GRM7: variants seen among roughly 807,000 people sequenced by gnomAD.
GRM7 encodes glutamate metabotropic receptor 7, also known as metabotropic glutamate receptor 7.
In GRM7, 35 loss-of-function variants were observed where a neutral mutation model predicts 84.5. The observed-to-expected ratio is 0.41, with a 90% CI of 0.32 to 0.55. The LOEUF is 0.55. GRM7 is among the 20% of genes least tolerant of loss of function. The probability of loss-of-function intolerance (pLI) is 0.19; values close to 1 mark genes in which losing one functional copy is unlikely to be tolerated. For synonymous variants in GRM7, 487 were observed against 455.1 expected (o/e 1.07, Z -0.89); for missense variants, 1,003 against 1,194.6 (o/e 0.84, Z 2.36).
chr3:6,950,009 C>A (rs533079640), intron 1 of GRM7, among the ~76,000 whole-genome samples: 4 of 152,158 alleles, frequency 2.6e-5, no homozygotes, highest in Non-Finnish European at 4.4e-5. Flanking sequence ...GAACTTCCTT[C>A]TTTAGCTCGG....
intron 3 of GRM7, among the ~76,000 whole-genome samples, chr3:7,302,395 ATTC>A (rs1700033167): frequency 6.6e-6 from 1 of 152,136 alleles, no homozygotes; most frequent in African/African-American, 2.4e-5. Flanking sequence ...CTTTAATTAT[ATTC>A]TTATAACCTC....
chr3:7,044,677 CT>C (rs1427805644), intron 1 of GRM7, among the ~76,000 whole-genome samples: 1 of 152,044 alleles, frequency 6.6e-6, no homozygotes, highest in African/African-American at 2.4e-5. Context: ...TTTTCTACGG[CT>C]TTTTTTCTCC....
intron 9 of GRM7, among the ~76,000 whole-genome samples, chr3:7,707,156 T>G (rs1504047): frequency 0.43 from 65,484 of 151,950 alleles, 14,275 homozygotes; most frequent in East Asian, 0.68. Context: ...GTTTTGCACC[T>G]CTTAGATAGA....
chr3:7,689,791 T>G (rs576570782), intron 9 of GRM7, among the ~76,000 whole-genome samples: 8 of 152,306 alleles, frequency 5.3e-5, no homozygotes, highest in Middle Eastern at 6.8e-3. Flanking sequence ...CTGAGTATCC[T>G]TAAATTGGGT....
At chr3:7,437,531 C>A (rs533054555) in intron 5 of GRM7, among the ~76,000 whole-genome samples, 13 of 152,178 alleles carry the variant, frequency 8.5e-5, no homozygotes, top group Middle Eastern at 3.4e-3. Flanking sequence ...CAGTCCTAGA[C>A]CCTAAATTAA....
intron 2 of GRM7, among the ~76,000 whole-genome samples, chr3:7,147,831 A>C (rs1694158334): frequency 6.6e-6 from 1 of 152,172 alleles, no homozygotes; most frequent in African/African-American, 2.4e-5. Context: ...AATCATTGTC[A>C]AGTCTCGCTC....
At chr3:6,972,775 G>A (rs566392993) in intron 1 of GRM7, among the ~76,000 whole-genome samples, 4 of 152,242 alleles carry the variant, frequency 2.6e-5, no homozygotes, top group Non-Finnish European at 5.9e-5. Context: ...CCACTACCTC[G>A]CTCAGTTATG....
chr3:7,307,515 A>G (rs557514698), intron 4 of GRM7, among the ~76,000 whole-genome samples: 2 of 152,080 alleles, frequency 1.3e-5, no homozygotes, highest in African/African-American at 4.8e-5. Flanking sequence ...TCTCCACTCA[A>G]ATCTAATTAA....
chr3:7,165,788 A>G (rs1369069490), intron 2 of GRM7, among the ~76,000 whole-genome samples: 1 of 152,174 alleles, frequency 6.6e-6, no homozygotes, highest in African/African-American at 2.4e-5. Flanking sequence ...CATGTTTATA[A>G]TTTCAGTTGT....
At chr3:7,479,590 T>G (rs1699050704) in intron 7 of GRM7, among the ~76,000 whole-genome samples, 1 of 152,172 alleles carries the variant, frequency 6.6e-6, no homozygotes, top group African/African-American at 2.4e-5. Flanking sequence ...GAACAATAAG[T>G]GAAAAGAGTT....
At chr3:7,551,777 G>A (rs1693489362) in intron 7 of GRM7, among the ~76,000 whole-genome samples, 1 of 152,018 alleles carries the variant, frequency 6.6e-6, no homozygotes, top group Admixed American at 6.6e-5. Context: ...TTATCACAGT[G>A]CCTGGTACAT....
At chr3:6,975,392 T>G (rs976038193) in intron 1 of GRM7, among the ~76,000 whole-genome samples, 1 of 152,322 alleles carries the variant, frequency 6.6e-6, no homozygotes, top group African/African-American at 2.4e-5. Flanking sequence ...GAAACCTGAA[T>G]TGTAACTTGA....
chr3:7,010,188 C>T lies in GRM7; in HGVS notation c.520-136264C>T, dbSNP rs562802913. Among the ~76,000 whole-genome samples the T allele has an allele frequency of 5.3e-5, 8 of 152,260 alleles. No individual in the cohort carries two copies. In the South Asian group the frequency reaches 1.2e-3, roughly 24 times the overall value. On this transcript the variant is annotated intron_variant, in intron 1 of 9. Transcript: ENST00000357716. ...AGCTCGGGACGGGCATGGTGCCTTA[C>T]GCCTGTAATCCTAGCAGTTTGGGAG...
chr3:6,903,865 G>A (rs1696478574), intron 1 of GRM7, among the ~76,000 whole-genome samples: 1 of 152,112 alleles, frequency 6.6e-6, no homozygotes, highest in Admixed American at 6.6e-5. Context: ...ACATTTTTGT[G>A]ATGCTAATGA....
intron 9 of GRM7, among the ~76,000 whole-genome samples, chr3:7,736,680 G>A (rs1286451767): frequency 6.6e-6 from 1 of 152,102 alleles, no homozygotes; most frequent in African/African-American, 2.4e-5. Context: ...GGAGTGTAAA[G>A]GGCTTTGATT....
intron 1 of GRM7, among the ~76,000 whole-genome samples, chr3:6,969,954 T>G (rs1219682030): frequency 6.6e-6 from 1 of 152,242 alleles, no homozygotes; most frequent in Non-Finnish European, 1.5e-5. Context: ...CAGAAATGCA[T>G]GTGCCTTTTC....
At chr3:7,275,874 G>A (rs1467480587) in intron 2 of GRM7, among the ~76,000 whole-genome samples, 22 of 152,050 alleles carry the variant, frequency 1.4e-4, no homozygotes, top group Admixed American at 1.4e-3. Flanking sequence ...GCCCCCCTGA[G>A]TGTCTGTCTC....
chr3:7,566,072 T>A (rs1286913995), intron 7 of GRM7, among the ~76,000 whole-genome samples: 1 of 151,710 alleles, frequency 6.6e-6, no homozygotes, highest in African/African-American at 2.4e-5. Context: ...TAAGGATTTG[T>A]ATTTCTGTTT....
intron 2 of GRM7, among the ~76,000 whole-genome samples, chr3:7,246,300 A>G (rs954911451): frequency 1.3e-5 from 2 of 152,242 alleles, no homozygotes; most frequent in South Asian, 2.1e-4. Context: ...GGGAAGTACT[A>G]TAAGTACCCG....
Sources: gnomAD v4.1 joint callset for allele counts (sites outside exome capture counted in the v4.1 genomes callset) on GRCh38, gnomAD v4.1.1 for gene constraint, MANE v1.5 for transcripts, NCBI Gene and HGNC (gene_info 2026-07-23, HGNC 2026-07-21) for gene names.